The following COL11A1 variants were observed in gnomAD, a reference collection of about 807,000 sequenced individuals.
COL11A1 encodes the protein collagen alpha-1(XI) chain.
COL11A1 carries 74 observed loss-of-function variants against 265.2 expected under a neutral mutation model. That is an observed-to-expected ratio of 0.28 (90% CI 0.23 to 0.34). The LOEUF (loss-of-function observed/expected upper bound fraction) is 0.34, where lower values mean the gene tolerates loss of function less well. Ranked by LOEUF, COL11A1 falls within the 10% of genes least tolerant of loss-of-function variation. The probability of loss-of-function intolerance (pLI) is 1.00; values close to 1 mark genes in which losing one functional copy is unlikely to be tolerated. For synonymous variants in COL11A1, 816 were observed against 727.6 expected (o/e 1.12, Z -1.96); for missense variants, 2,165 against 2,263.6 (o/e 0.96, Z 0.88).
intron 57 of COL11A1, among the ~76,000 whole-genome samples, chr1:102,891,893 A>T (rs894054811): frequency 6.6e-6 from 1 of 152,074 alleles, no homozygotes; most frequent in African/African-American, 2.4e-5. Flanking sequence ...TAGAGAAAGT[A>T]AACAAAACAA....
chr1:103,101,629 T>G (rs1674279042), intron 1 of COL11A1, among the ~76,000 whole-genome samples: 1 of 151,850 alleles, frequency 6.6e-6, no homozygotes, highest in Non-Finnish European at 1.5e-5. Context: ...AAGCTTCCCC[T>G]GATACTCTGT....
rs1206592841 is a variant in COL11A1 at position 103,004,651 on chromosome 1, C to T, written c.1856G>A (p.Gly619Asp). ...AGGAGGACCTGGAGGACCTTGAGGA[C>T]CTCGTTCACCCTGTTAAATCAATAC... is the stretch of plus-strand genomic sequence containing the variant. The part of the protein sequence containing the change: ...PGDKGHRGER[G>D]PQGPPGPPGD... Residue 619 changes from glycine (G) to aspartate (D), a missense_variant, in exon 19 of 67, where the codon GGT becomes GAT. Transcript: ENST00000370096. 1 of 1,610,104 alleles carries T rather than the reference C, an allele frequency of 6.2e-7. No individual in the cohort carries two copies. Among genetic ancestry groups the T allele is most frequent in the Non-Finnish European group, 8.5e-7 (1 of 1,178,128 alleles).
chr1:102,992,042 C>G (rs2101766803), intron 28 of COL11A1, among the ~76,000 whole-genome samples: 1 of 152,094 alleles, frequency 6.6e-6, no homozygotes, highest in Admixed American at 6.5e-5. Context: ...ACACTGCACT[C>G]TATGTCTAAA....
At chr1:102,949,791 G>A (rs1247357759) in intron 41 of COL11A1, among the ~76,000 whole-genome samples, 1 of 151,946 alleles carries the variant, frequency 6.6e-6, no homozygotes, top group East Asian at 1.9e-4. Context: ...ACAACTCATG[G>A]GTACAATGAA....
chr1:102,912,289 G>A, intron 53 of COL11A1, 77 bp from the exon 54 acceptor site: 2 of 1,128,390 alleles, frequency 1.8e-6, no homozygotes, highest in Non-Finnish European at 2.6e-6. Flanking sequence ...AAATCTGGAT[G>A]GAAACCAACC....
At chr1:103,067,403 TA>T (rs571155242) in intron 4 of COL11A1, among the ~76,000 whole-genome samples, 5 of 151,450 alleles carry the variant, frequency 3.3e-5, no homozygotes, top group Admixed American at 2.0e-4. Context: ...GGAAATAAAA[TA>T]AAAAAAGAAA....
intron 54 of COL11A1, among the ~76,000 whole-genome samples, chr1:102,911,834 T>G (rs1654722825): frequency 6.6e-6 from 1 of 152,326 alleles, no homozygotes; most frequent in South Asian, 2.1e-4. Flanking sequence ...CTCATCCCCA[T>G]GTATTACAAT....
At chr1:102,979,350 T>A in intron 32 of COL11A1, 32 bp downstream of exon 32, 1 of 1,534,436 alleles carries the variant, frequency 6.5e-7, no homozygotes, top group South Asian at 1.1e-5. Flanking sequence ...AACACTTATA[T>A]ACATAGTTCA....
intron 36 of COL11A1, among the ~76,000 whole-genome samples, chr1:102,974,560 G>A (rs973922909): frequency 6.6e-6 from 1 of 152,056 alleles, no homozygotes; most frequent in Non-Finnish European, 1.5e-5. Flanking sequence ...TATATTCATT[G>A]CAGTAAAGGA....
At chr1:103,091,196 T>C (rs979427400) in intron 1 of COL11A1, among the ~76,000 whole-genome samples, 5 of 152,102 alleles carry the variant, frequency 3.3e-5, no homozygotes, top group Non-Finnish European at 7.4e-5. Flanking sequence ...TTATTAAAGA[T>C]TTAAAAATGT....
chr1:102,922,509 G>C (rs1656100518), intron 47 of COL11A1, among the ~76,000 whole-genome samples: 2 of 152,162 alleles, frequency 1.3e-5, no homozygotes, highest in African/African-American at 4.8e-5. Context: ...CCATTCTTCT[G>C]TCTCAGCCTC....
intron 4 of COL11A1, among the ~76,000 whole-genome samples, chr1:103,056,278 A>C (rs773277963): frequency 6.6e-6 from 1 of 152,170 alleles, no homozygotes; most frequent in South Asian, 2.1e-4. Flanking sequence ...GAACCATAAA[A>C]ACCTCAGGCT....
chr1:102,894,715 TAG>T (rs779227391), intron 57 of COL11A1, among the ~76,000 whole-genome samples: 2 of 152,110 alleles, frequency 1.3e-5, no homozygotes, highest in African/African-American at 4.8e-5. Context: ...CAAACTCCAA[TAG>T]AGTTATTTAT....
chr1:103,088,515 A>G (rs1673050694), intron 1 of COL11A1, among the ~76,000 whole-genome samples: 1 of 152,198 alleles, frequency 6.6e-6, no homozygotes, highest in Non-Finnish European at 1.5e-5. Context: ...AAATAAAAGG[A>G]CAATATTTTG....
intron 4 of COL11A1, among the ~76,000 whole-genome samples, chr1:103,047,516 G>A (rs1669393268): frequency 1.3e-5 from 2 of 152,100 alleles, no homozygotes; most frequent in South Asian, 4.1e-4. Context: ...GAGACGATGG[G>A]GTTTTCTGGA....
chr1:102,879,940 C>T (rs755734938), intron 65 of COL11A1, 24 bp from the exon 66 acceptor site: 3 of 1,423,176 alleles, frequency 2.1e-6, no homozygotes, highest in South Asian at 1.2e-5. Flanking sequence ...AATAAAAAGA[C>T]ACCTAATGAC....
intron 41 of COL11A1, 84 bp downstream of exon 41, chr1:102,961,782 G>T: frequency 7.9e-7 from 1 of 1,266,380 alleles, no homozygotes; most frequent in Non-Finnish European, 1.1e-6. Flanking sequence ...CCCACACACT[G>T]TGGAATCACA....
chr1:102,991,330 G>A (rs575097545), intron 28 of COL11A1, among the ~76,000 whole-genome samples: 59 of 152,118 alleles, frequency 3.9e-4, no homozygotes, highest in African/African-American at 1.3e-3. Flanking sequence ...TCCACATCTC[G>A]CTGCCAAAAT....
chr1:102,881,557 T>C (rs1362906971), intron 65 of COL11A1, 140 bp downstream of exon 65: 3 of 711,286 alleles, frequency 4.2e-6, no homozygotes, highest in African/African-American at 1.8e-5. Context: ...TAAGAGATAT[T>C]AAGTGGAACA....
Sources: allele counts gnomAD v4.1 joint callset (sites outside exome capture counted in the v4.1 genomes callset), GRCh38; gene constraint gnomAD v4.1.1; transcripts MANE v1.5; gene names NCBI Gene and HGNC (gene_info 2026-07-23, HGNC 2026-07-21).